Variants in GABRG3 observed in about 807,000 individuals in gnomAD.
GABRG3 encodes the protein gamma-aminobutyric acid receptor subunit gamma-3.
GABRG3 carries 25 observed loss-of-function variants against 48.8 expected under a neutral mutation model. That is an observed-to-expected ratio of 0.51 (90% CI 0.37 to 0.72). The LOEUF is 0.72. Among genes scored for constraint, GABRG3 ranks in the 30% least tolerant of loss-of-function variants. The probability of loss-of-function intolerance (pLI) is 0.00; values close to 1 mark genes in which losing one functional copy is unlikely to be tolerated. For missense variants in GABRG3, 394 were observed against 577.9 expected (o/e 0.68, Z 3.26); for synonymous variants, 227 against 217.6 (o/e 1.04, Z -0.38).
chr15:27,013,320 C>T (rs553342693), intron 2 of GABRG3, among the ~76,000 whole-genome samples: 1 of 152,140 alleles, frequency 6.6e-6, no homozygotes, highest in African/African-American at 2.4e-5. Flanking sequence ...TGTTGATTGA[C>T]ATTTCTGTTC....
chr15:27,410,845 CGTGTGTGTGT>C (rs61423614), intron 5 of GABRG3, among the ~76,000 whole-genome samples: 1,904 of 143,708 alleles, frequency 0.013, 25 homozygotes, highest in South Asian at 0.043. Flanking sequence ...TGCGCACGCT[CGTGTGTGTGT>C]GTGTGTGTGT....
In GABRG3 at chr15:27,540,665, A is replaced by G. The variant is rs1312734519; in HGVS notation, c.*7784A>G. On this transcript the variant is annotated 3_prime_UTR_variant, in exon 10 of 10. Transcript: ENST00000615808. The stretch of plus-strand genomic sequence containing the variant: ...GTTTACCTGCTCACACGTTTGTACA[A>G]CTACACAATGTGTTTTCCTTTACGT... 2 of 152,240 alleles carry G rather than the reference A, an allele frequency of 1.3e-5. No individual in the cohort carries two copies. The highest frequency in any genetic ancestry group is 2.9e-5 in the Non-Finnish European group (2 of 68,042). The allele number at this position is 152,240 out of a possible 1,614,324, so 9.4% of individuals were successfully genotyped here.
intron 2 of GABRG3, among the ~76,000 whole-genome samples, chr15:27,005,458 G>T (rs1176768008): frequency 2.0e-5 from 3 of 152,122 alleles, no homozygotes; most frequent in Non-Finnish European, 2.9e-5. Context: ...AAGTTAAAAA[G>T]AAATTGTGAG....
At chr15:27,165,784 A>G (rs1036369676) in intron 3 of GABRG3, among the ~76,000 whole-genome samples, 3 of 152,116 alleles carry the variant, frequency 2.0e-5, no homozygotes, top group South Asian at 2.1e-4. Flanking sequence ...AGAGGATGCT[A>G]TTGACAGTGA....
intron 3 of GABRG3, among the ~76,000 whole-genome samples, chr15:27,307,559 TTATA>T (rs1376538929): frequency 1.0e-3 from 78 of 77,310 alleles, no homozygotes; most frequent in South Asian, 2.8e-3. Flanking sequence ...GTTTATAGGT[TTATA>T]TATTTATATA....
At chr15:27,463,209 CA>C (rs1406141668) in intron 5 of GABRG3, among the ~76,000 whole-genome samples, 3 of 151,648 alleles carry the variant, frequency 2.0e-5, no homozygotes, top group African/African-American at 7.3e-5. Flanking sequence ...TTATATTAGA[CA>C]AAAAAGGAAA....
intron 3 of GABRG3, among the ~76,000 whole-genome samples, chr15:27,294,176 C>T (rs1344655126): frequency 6.6e-6 from 1 of 151,768 alleles, no homozygotes; most frequent in African/African-American, 2.4e-5. Flanking sequence ...GCCCAGATCC[C>T]TGTCATCTGT....
chr15:27,155,644 T>C (rs1030027041), intron 3 of GABRG3, among the ~76,000 whole-genome samples: 1 of 152,074 alleles, frequency 6.6e-6, no homozygotes, highest in Non-Finnish European at 1.5e-5. Flanking sequence ...CGTCCTTGGG[T>C]TTATTTATTG....
intron 2 of GABRG3, among the ~76,000 whole-genome samples, chr15:26,979,435 A>C (rs940005790): frequency 6.6e-6 from 1 of 152,156 alleles, no homozygotes; most frequent in Non-Finnish European, 1.5e-5. Context: ...CTTAGGGGCA[A>C]AGCCTTCAGT....
intron 3 of GABRG3, among the ~76,000 whole-genome samples, chr15:27,160,233 C>G (rs1441172085): frequency 6.6e-6 from 1 of 152,140 alleles, no homozygotes; most frequent in East Asian, 1.9e-4. Context: ...GAGAGTTGTG[C>G]AAACATAGAT....
At chr15:26,996,621 C>CTTAT (rs147458553) in intron 2 of GABRG3, among the ~76,000 whole-genome samples, 2,115 of 149,906 alleles carry the variant, frequency 0.014, 21 homozygotes, top group African/African-American at 0.032. Flanking sequence ...TATATACTGG[C>CTTAT]TTATTTATTT....
chr15:27,182,391 T>TA (rs1326941611), intron 3 of GABRG3, among the ~76,000 whole-genome samples: 21 of 152,328 alleles, frequency 1.4e-4, no homozygotes, highest in African/African-American at 4.3e-4. Context: ...TCTCAAATAC[T>TA]AAAGACTTTG....
chr15:27,272,735 T>C (rs954642611), intron 3 of GABRG3, among the ~76,000 whole-genome samples: 8 of 152,178 alleles, frequency 5.3e-5, no homozygotes, highest in African/African-American at 1.9e-4. Flanking sequence ...CAAAAAGGCA[T>C]TGCTTGTTTT....
At chr15:27,002,726 TAGTG>T (rs1053788472) in intron 2 of GABRG3, among the ~76,000 whole-genome samples, 8 of 110,190 alleles carry the variant, frequency 7.3e-5, no homozygotes, top group Non-Finnish European at 1.4e-4. Context: ...CTGGGAAACA[TAGTG>T]AGACCGTGTC....
chr15:27,035,226 C>T (rs1280335145), intron 3 of GABRG3, among the ~76,000 whole-genome samples: 1 of 152,178 alleles, frequency 6.6e-6, no homozygotes, highest in East Asian at 1.9e-4. Context: ...CCTCTGGTGT[C>T]TTAGAACTTG....
chr15:27,010,695 C>T (rs1895668632), intron 2 of GABRG3, among the ~76,000 whole-genome samples: 1 of 152,290 alleles, frequency 6.6e-6, no homozygotes, highest in Middle Eastern at 3.4e-3. Flanking sequence ...AAAACACACC[C>T]ATATCCCAAA....
intron 5 of GABRG3, among the ~76,000 whole-genome samples, chr15:27,441,507 G>A (rs1459139543): frequency 6.6e-6 from 1 of 152,232 alleles, no homozygotes; most frequent in East Asian, 1.9e-4. Flanking sequence ...TATTCCCAAC[G>A]CCTAGTCCCA....
intron 2 of GABRG3, among the ~76,000 whole-genome samples, chr15:27,025,989 G>T (rs1463717722): frequency 6.6e-6 from 1 of 152,164 alleles, no homozygotes; most frequent in African/African-American, 2.4e-5. Context: ...TATCAGGCTT[G>T]CTCAGTTCTT....
chr15:27,360,339 G>A (rs1462626084), intron 5 of GABRG3, among the ~76,000 whole-genome samples: 3 of 152,106 alleles, frequency 2.0e-5, no homozygotes, highest in Non-Finnish European at 2.9e-5. Flanking sequence ...GGAATGGGCC[G>A]CGACCCCGGC....
Sources: allele counts gnomAD v4.1 joint callset (sites outside exome capture counted in the v4.1 genomes callset), GRCh38; gene constraint gnomAD v4.1.1; transcripts MANE v1.5; gene names NCBI Gene and HGNC (gene_info 2026-07-23, HGNC 2026-07-21).